USH2A: variants seen among roughly 807,000 people sequenced by gnomAD.
USH2A encodes the protein Usher syndrome 2A (autosomal recessive, mild).
Under a neutral mutation model 538.9 loss-of-function variants are expected in USH2A, and 443 were observed. That is an observed-to-expected ratio of 0.82 (90% CI 0.76 to 0.89). The LOEUF is 0.89. Among genes scored for constraint, USH2A ranks in the 40% least tolerant of loss-of-function variants. The pLI is 0.00. For missense variants in USH2A, 6,633 were observed against 6,324.8 expected, an observed-to-expected ratio of 1.05 and a Z score of -1.65; for synonymous variants, 2,413 against 2,273.5, an observed-to-expected ratio of 1.06 and a Z score of -1.75.
At chr1:215,731,030 A>G (rs1322951511) in intron 60 of USH2A, among the ~76,000 whole-genome samples, 2 of 152,226 alleles carry the variant, frequency 1.3e-5, no homozygotes, top group African/African-American at 4.8e-5. Flanking sequence ...TCTATGGGGA[A>G]GTAACATTTT....
chr1:215,814,002 G>A, intron 48 of USH2A, 98 bp from the exon 49 acceptor site: 1 of 1,311,954 alleles, frequency 7.6e-7, no homozygotes, highest in Non-Finnish European at 1.1e-6. Context: ...GTAAGGCATA[G>A]AAGATCTGAG....
chr1:216,322,618 A>G (rs2102651702), intron 8 of USH2A, among the ~76,000 whole-genome samples: 1 of 152,008 alleles, frequency 6.6e-6, no homozygotes, highest in Admixed American at 6.5e-5. Context: ...AAAAAAAAAA[A>G]AAGAAAGAAA....
intron 43 of USH2A, among the ~76,000 whole-genome samples, chr1:215,874,568 T>C (rs1664710710): frequency 6.6e-6 from 1 of 152,226 alleles, no homozygotes; most frequent in Non-Finnish European, 1.5e-5. Context: ...CTATGCGTTA[T>C]AAACACATAC....
intron 11 of USH2A, among the ~76,000 whole-genome samples, chr1:216,263,364 C>A (rs1189916259): frequency 6.6e-6 from 1 of 152,060 alleles, no homozygotes; most frequent in Non-Finnish European, 1.5e-5. Context: ...TTGCAAAGAT[C>A]ATCAATAAAA....
chr1:215,721,831 C>G (rs1203062391), intron 61 of USH2A, among the ~76,000 whole-genome samples: 1 of 152,114 alleles, frequency 6.6e-6, no homozygotes, highest in Non-Finnish European at 1.5e-5. Flanking sequence ...TGGGACGCCG[C>G]AGCGGGAGGA....
chr1:215,869,787 G>A (rs891480423), intron 43 of USH2A, among the ~76,000 whole-genome samples: 3 of 152,096 alleles, frequency 2.0e-5, no homozygotes, highest in Non-Finnish European at 2.9e-5. Flanking sequence ...TTTCCTACAT[G>A]TGGAATTAAC....
chr1:216,309,137 TA>T (rs1159888203), intron 9 of USH2A, among the ~76,000 whole-genome samples: 1 of 152,170 alleles, frequency 6.6e-6, no homozygotes, highest in Non-Finnish European at 1.5e-5. Context: ...GCCAACCTTA[TA>T]AAACTGGTAG....
chr1:216,298,427 C>G (rs756741772), intron 9 of USH2A, among the ~76,000 whole-genome samples: 6 of 152,110 alleles, frequency 3.9e-5, no homozygotes, highest in Non-Finnish European at 8.8e-5. Flanking sequence ...ATCAAAAAGC[C>G]TAATTGTAAA....
rs79456194 is a variant in USH2A, at chr1:215,935,855, G to A, written c.7121-1060C>T. 3.4e-3 allele frequency among the ~76,000 whole-genome samples: 523 copies of A among 151,844 alleles called. 4 individuals carry two copies. Among genetic ancestry groups the A allele is most frequent in the African/African-American group, 0.012 (504 of 41,454 alleles). On this transcript the variant is annotated intron_variant, in intron 37 of 71. Coordinates refer to ENST00000307340, the MANE Select transcript of USH2A (RefSeq NM_206933.4). ...AGTACCACCCAGGCTAGGCAACATA[G>A]CAAGTCCTCATCTCTAAAAACAAAA...
intron 38 of USH2A, among the ~76,000 whole-genome samples, chr1:215,919,744 T>C (rs1184360753): frequency 6.6e-6 from 1 of 152,088 alleles, no homozygotes; most frequent in Non-Finnish European, 1.5e-5. Context: ...AGCTGAAAGT[T>C]AACTTTAGAT....
intron 20 of USH2A, among the ~76,000 whole-genome samples, chr1:216,187,124 T>C (rs776155046): frequency 2.0e-5 from 3 of 151,946 alleles, no homozygotes; most frequent in Non-Finnish European, 4.4e-5. Flanking sequence ...CATTCTTTTA[T>C]AGTTTATCTG....
chr1:215,628,726 G>T, intron 71 of USH2A, 88 bp downstream of exon 71: 3 of 1,392,702 alleles, frequency 2.2e-6, no homozygotes, highest in Non-Finnish European at 3.1e-6. Context: ...AGTGCCATGG[G>T]GCAGCATTCG....
intron 3 of USH2A, among the ~76,000 whole-genome samples, chr1:216,388,520 A>G (rs2039046108): frequency 6.6e-6 from 1 of 152,182 alleles, no homozygotes; most frequent in Admixed American, 6.5e-5. Flanking sequence ...GAAAATTACA[A>G]ATACATAAGG....
At chr1:216,082,161 C>CTCAT (rs969776922) in intron 26 of USH2A, among the ~76,000 whole-genome samples, 16 of 152,068 alleles carry the variant, frequency 1.1e-4, no homozygotes, top group African/African-American at 3.1e-4. Context: ...CACATGTTCA[C>CTCAT]TCATTCATTC....
chr1:216,253,321 G>A (rs1308861977), intron 11 of USH2A, among the ~76,000 whole-genome samples: 1 of 151,856 alleles, frequency 6.6e-6, no homozygotes, highest in Non-Finnish European at 1.5e-5. Flanking sequence ...TGGGCCACCA[G>A]GCACGGCTAA....
Position 215,816,994 on chromosome 1 carries a change from T to TA in USH2A, c.9570+2dup. 1 of 1,612,148 alleles carries TA rather than the reference T, an allele frequency of 6.2e-7. No homozygotes were observed. The highest frequency in any genetic ancestry group is 8.5e-7 in the Non-Finnish European group (1 of 1,178,574). On this transcript the variant is annotated splice_region_variant and intron_variant, in intron 48 of 71. Transcript: ENST00000307340. ...GTTCACTGATTAGTTAGAAAAGACT[T>TA]ACCTTAGCTTCAGAAGAATAGCAAA...
intron 11 of USH2A, among the ~76,000 whole-genome samples, chr1:216,281,031 G>C (rs2036764519): frequency 6.6e-6 from 1 of 152,062 alleles, no homozygotes; most frequent in Non-Finnish European, 1.5e-5. Flanking sequence ...TTATCCTATT[G>C]ACAATGTCTG....
intron 45 of USH2A, among the ~76,000 whole-genome samples, chr1:215,844,935 G>A (rs1663798503): frequency 6.6e-6 from 1 of 152,066 alleles, no homozygotes; most frequent in South Asian, 2.1e-4. Context: ...ATCATTTGAT[G>A]TTACTAGCTT....
At chr1:216,268,081 G>A (rs1053954013) in intron 11 of USH2A, among the ~76,000 whole-genome samples, 4 of 151,994 alleles carry the variant, frequency 2.6e-5, no homozygotes, top group African/African-American at 7.2e-5. Flanking sequence ...ACTAACAGAC[G>A]TCTCTAACAT....
Sources: gnomAD v4.1 joint callset for allele counts (sites outside exome capture counted in the v4.1 genomes callset) on GRCh38, gnomAD v4.1.1 for gene constraint, MANE v1.5 for transcripts, NCBI Gene and HGNC (gene_info 2026-07-23, HGNC 2026-07-21) for gene names.